MTUS2: variants seen among roughly 807,000 people sequenced by gnomAD.
The protein encoded by MTUS2 is microtubule-associated tumor suppressor candidate 2.
Under a neutral mutation model 114.1 loss-of-function variants are expected in MTUS2, and 40 were observed. That is an observed-to-expected ratio of 0.35 (90% confidence interval 0.27 to 0.46). The LOEUF is 0.46. Among genes scored for constraint, MTUS2 ranks in the 20% least tolerant of loss-of-function variants. The pLI is 1.00. For missense variants in MTUS2, 1,679 were observed against 1,705.4 expected, an observed-to-expected ratio of 0.98 and a Z score of 0.27; for synonymous variants, 688 against 672.0, an observed-to-expected ratio of 1.02 and a Z score of -0.37.
intron 8 of MTUS2, among the ~76,000 whole-genome samples, chr13:29,415,742 A>G (rs1593419390): frequency 1.3e-5 from 2 of 152,146 alleles, no homozygotes; most frequent in African/African-American, 2.4e-5. Flanking sequence ...ATAATGTTTT[A>G]TAATTATATA....
intron 5 of MTUS2, among the ~76,000 whole-genome samples, chr13:29,130,161 TG>T (rs1047707285): frequency 6.6e-6 from 1 of 152,212 alleles, no homozygotes; most frequent in African/African-American, 2.4e-5. Flanking sequence ...AGCAAGAATA[TG>T]TGTAGATTTT....
intron 4 of MTUS2, among the ~76,000 whole-genome samples, chr13:29,094,477 C>T (rs547944452): frequency 2.6e-5 from 4 of 151,870 alleles, no homozygotes; most frequent in Non-Finnish European, 4.4e-5. Flanking sequence ...TGTTGAGATG[C>T]AGTTGTTCAT....
intron 2 of MTUS2, among the ~76,000 whole-genome samples, chr13:28,944,074 T>A (rs957915901): frequency 6.6e-6 from 1 of 152,124 alleles, no homozygotes; most frequent in Non-Finnish European, 1.5e-5. Context: ...ATAGAAGATG[T>A]TACTTCTAGA....
intron 1 of MTUS2, among the ~76,000 whole-genome samples, chr13:28,829,777 G>C (rs1437749363): frequency 6.6e-6 from 1 of 152,210 alleles, no homozygotes; most frequent in South Asian, 2.1e-4. Flanking sequence ...TTAACAAGAG[G>C]TTAACCAAAA....
In MTUS2 at chr13:28,865,362, G is replaced by A. The variant is rs140851112; in HGVS notation, c.-243+25512G>A. Among the ~76,000 whole-genome samples the A allele has an allele frequency of 3.9e-4, 60 of 152,182 alleles. No individual in the cohort carries two copies. The East Asian group carries it at 0.011, about 29-fold the overall frequency. ...TGGAGTCCTTTTTATTTTCATGGTG[G>A]TTCTAGCTCTTTCCCCAGTTCTTTG... On this transcript the variant is annotated intron_variant, in intron 2 of 15. Coordinates refer to ENST00000612955, the MANE Select transcript of MTUS2 (RefSeq NM_001033602.4).
intron 7 of MTUS2, among the ~76,000 whole-genome samples, chr13:29,350,511 A>ACCCTGCTTTTAGTAAACTTAC (rs1869141149): frequency 6.6e-6 from 1 of 151,506 alleles, no homozygotes; most frequent in African/African-American, 2.4e-5. Flanking sequence ...GTTGGAGAAA[A>ACCCTGCTTTTAGTAAACTTAC]CCCTGCTTTT....
At chr13:28,847,118 A>T (rs1054733884) in intron 2 of MTUS2, among the ~76,000 whole-genome samples, 1 of 152,212 alleles carries the variant, frequency 6.6e-6, no homozygotes, top group Non-Finnish European at 1.5e-5. Context: ...CTGCTGAGCC[A>T]GTGTGCTGTA....
chr13:29,390,665 AG>A (rs531900895), intron 8 of MTUS2, among the ~76,000 whole-genome samples: 33 of 140,388 alleles, frequency 2.4e-4, no homozygotes, highest in African/African-American at 1.0e-3. Flanking sequence ...AAAAAAAAAA[AG>A]AAAGAAAGAA....
intron 1 of MTUS2, among the ~76,000 whole-genome samples, chr13:28,837,044 A>G (rs1170771303): frequency 1.3e-5 from 2 of 152,166 alleles, no homozygotes; most frequent in Non-Finnish European, 2.9e-5. Context: ...TAAGTGAACT[A>G]GTATGTGAAG....
Position 29,084,455 on chromosome 13 carries a change from C to T in MTUS2, c.2447-16318C>T, listed in dbSNP as rs186743512. On this transcript the variant is annotated intron_variant, in intron 4 of 15. Transcript: ENST00000612955. ...TTCCATCCTCCAGAGAAGTTCAAAT[C>T]AGTATTGTCAGGGTTAGGGGCTCCT... Among the ~76,000 whole-genome samples, 182 of 152,066 alleles carry T rather than the reference C, an allele frequency of 1.2e-3. 1 individual carries two copies. The highest frequency in any genetic ancestry group is 1.8e-3 in the Non-Finnish European group (122 of 67,978).
At chr13:29,308,211 T>C (rs1024419443) in intron 6 of MTUS2, among the ~76,000 whole-genome samples, 4 of 152,140 alleles carry the variant, frequency 2.6e-5, no homozygotes, top group Admixed American at 6.5e-5. Context: ...AACAGACACA[T>C]AGACCAATGG....
intron 5 of MTUS2, among the ~76,000 whole-genome samples, chr13:29,186,621 A>G (rs903876149): frequency 5.3e-5 from 8 of 152,218 alleles, no homozygotes; most frequent in African/African-American, 9.6e-5. Context: ...CCCAAAATAC[A>G]TGAAGCAAAA....
chr13:29,169,802 G>A (rs1893477501), intron 5 of MTUS2, among the ~76,000 whole-genome samples: 1 of 152,172 alleles, frequency 6.6e-6, no homozygotes, highest in Non-Finnish European at 1.5e-5. Flanking sequence ...TAAGGGCCGT[G>A]CAGCCACACC....
At chr13:28,826,848 A>T (rs1352680797) in intron 1 of MTUS2, among the ~76,000 whole-genome samples, 1 of 152,250 alleles carries the variant, frequency 6.6e-6, no homozygotes, top group African/African-American at 2.4e-5. Context: ...TTAATAGGGA[A>T]GTTTATTTTC....
intron 2 of MTUS2, among the ~76,000 whole-genome samples, chr13:29,012,611 C>T (rs1328426166): frequency 6.6e-6 from 1 of 151,864 alleles, no homozygotes; most frequent in African/African-American, 2.4e-5. Context: ...GGGTGGCCCA[C>T]ACCTGTAATC....
chr13:28,900,113 C>A (rs570776798), intron 2 of MTUS2, among the ~76,000 whole-genome samples: 9 of 152,322 alleles, frequency 5.9e-5, no homozygotes, highest in African/African-American at 2.2e-4. Context: ...GCCTCGAACT[C>A]CTAACCTCAA....
chr13:29,004,349 A>T (rs1406236095), intron 2 of MTUS2, among the ~76,000 whole-genome samples: 2 of 152,118 alleles, frequency 1.3e-5, no homozygotes, highest in Admixed American at 1.3e-4. Context: ...TTTGAGTTTG[A>T]AAGTCTTGTC....
intron 6 of MTUS2, among the ~76,000 whole-genome samples, chr13:29,314,319 A>G (rs1223471394): frequency 1.3e-5 from 2 of 152,208 alleles, no homozygotes; most frequent in Admixed American, 6.5e-5. Context: ...CTTGTGGGAG[A>G]ATTAGCAATA....
At chr13:29,030,244 T>G (rs1886753919) in intron 3 of MTUS2, among the ~76,000 whole-genome samples, 1 of 152,158 alleles carries the variant, frequency 6.6e-6, no homozygotes, top group African/African-American at 2.4e-5. Flanking sequence ...GTATGGACAT[T>G]GTGTGGCTTT....
Sources: allele counts gnomAD v4.1 joint callset (sites outside exome capture counted in the v4.1 genomes callset), GRCh38; gene constraint gnomAD v4.1.1; transcripts MANE v1.5; gene names NCBI Gene and HGNC (gene_info 2026-07-23, HGNC 2026-07-21).